The following MEGF11 variants were observed in gnomAD, a reference collection of about 807,000 sequenced individuals.
MEGF11 encodes the protein multiple EGF like domains 11, also known as multiple epidermal growth factor-like domains protein 11.
In MEGF11, 126 loss-of-function variants were observed where a neutral mutation model predicts 146.6. The observed-to-expected ratio is 0.86, with a 90% confidence interval of 0.74 to 1.00. MEGF11 has a LOEUF of 1.00. Among genes scored for constraint, MEGF11 ranks in the 50% least tolerant of loss-of-function variants. The pLI is 0.00. For missense variants in MEGF11, 1,509 were observed against 1,521.2 expected (o/e 0.99, Z 0.13); for synonymous variants, 532 against 583.4 (o/e 0.91, Z 1.27).
At chr15:65,968,835 G>T in intron 8 of MEGF11, among the ~76,000 whole-genome samples, 1 of 152,150 alleles carries the variant, frequency 6.6e-6, no homozygotes, top group South Asian at 2.1e-4. Context: ...TGTTTAATTT[G>T]CACTGGTTTC....
Position 66,132,665 on chromosome 15 carries a change from C to T in MEGF11, c.-8-4254G>A, listed in dbSNP as rs192364624. 9.1e-4 allele frequency among the ~76,000 whole-genome samples: 138 copies of T among 152,190 alleles called. 1 individual carries two copies. Among genetic ancestry groups the T allele is most frequent in the Non-Finnish European group, 1.6e-3 (107 of 68,008 alleles). On this transcript the variant is annotated intron_variant, in intron 1 of 25. Transcript: ENST00000395614. ...AAGGGGGGCTGAGTGGGAAAGCTTG[C>T]CAGGATTGATTAGTAATGTCTGTCT...
intron 5 of MEGF11, among the ~76,000 whole-genome samples, chr15:66,005,315 C>G (rs1197494271): frequency 6.6e-6 from 1 of 152,174 alleles, no homozygotes; most frequent in Non-Finnish European, 1.5e-5. Flanking sequence ...TCACTGATAG[C>G]CTTTGTGACC....
rs560243283 is a variant in MEGF11 at position 65,898,717 on chromosome 15, G to A, written c.3262+11C>T. 5 of 1,612,844 alleles carry A rather than the reference G, an allele frequency of 3.1e-6. No individual in the cohort carries two copies. The African/African-American group carries it at 5.3e-5, about 17-fold the overall frequency. On this transcript the variant is annotated intron_variant, in intron 25 of 25. Transcript: ENST00000395614. ...CCTGATTTCACTAAGTTACTTATTT[G>A]AGACACCTACCAACTTCATATATAT...
chr15:66,134,201 A>G (rs955382992), intron 1 of MEGF11, among the ~76,000 whole-genome samples: 2 of 152,038 alleles, frequency 1.3e-5, no homozygotes, highest in Admixed American at 1.3e-4. Flanking sequence ...GAAACCGCCA[A>G]ACTAATAAAG....
chr15:66,075,814 C>A (rs989335484), intron 5 of MEGF11, among the ~76,000 whole-genome samples: 1 of 152,110 alleles, frequency 6.6e-6, no homozygotes. Context: ...ATGTTTAAGT[C>A]CAAATAGCTG....
intron 1 of MEGF11, among the ~76,000 whole-genome samples, chr15:66,227,169 A>C (rs7170773): frequency 0.27 from 40,980 of 151,898 alleles, 5,735 homozygotes; most frequent in Non-Finnish European, 0.32. Context: ...ATAGAAAATA[A>C]GCTGGGGTTC....
At chr15:66,247,913 G>A (rs191387630) in intron 1 of MEGF11, among the ~76,000 whole-genome samples, 152 of 150,924 alleles carry the variant, frequency 1.0e-3, no homozygotes, top group African/African-American at 3.5e-3. Context: ...GCGCGTGCCT[G>A]TAATCCAGCC....
At chr15:66,199,997 A>C (rs147503067) in intron 1 of MEGF11, among the ~76,000 whole-genome samples, 61 of 152,386 alleles carry the variant, frequency 4.0e-4, no homozygotes, top group Admixed American at 3.1e-3. Context: ...TAATAACATT[A>C]GGAAATTCTC....
At chr15:65,919,483 A>G (rs560129261) in intron 15 of MEGF11, among the ~76,000 whole-genome samples, 41 of 152,350 alleles carry the variant, frequency 2.7e-4, no homozygotes, top group African/African-American at 9.1e-4. Flanking sequence ...TAAGTGTGCA[A>G]TAGCCTTATG....
chr15:66,154,830 G>C (rs759220870), intron 1 of MEGF11, among the ~76,000 whole-genome samples: 16 of 152,182 alleles, frequency 1.1e-4, no homozygotes, highest in Admixed American at 2.0e-4. Flanking sequence ...GGGAAGGGAA[G>C]GGCCCAGGTG....
At position 65,916,238 on chromosome 15, in the gene MEGF11, C is replaced by T. The variant is rs144231820; in HGVS notation, c.2254G>A (p.Val752Ile). 3.3e-5 allele frequency: 52 copies of T among 1,561,052 alleles called. No individual in the cohort carries two copies. The highest frequency in any genetic ancestry group is 3.3e-4 in the Middle Eastern group (2 of 6,028). The change falls in exon 18 of 26, where the codon GTA becomes ATA. Residue 752 changes from valine (V) to isoleucine (I), a missense_variant. Transcript: ENST00000395614. ...AAFFGKDCGR[V>I]CQCQNGASCD... ...CTGGCGCCATTCTGACACTGGCATA[C>T]GCGCCCACAGTCCTTCCCAAAAAAT...
chr15:66,222,386 CA>C (rs1213383833), intron 1 of MEGF11, among the ~76,000 whole-genome samples: 1 of 152,166 alleles, frequency 6.6e-6, no homozygotes, highest in Non-Finnish European at 1.5e-5. Flanking sequence ...TACTCTCCCC[CA>C]ATCTTCCTTC....
chr15:65,922,849 C>T lies in MEGF11; in HGVS notation c.1796G>A (p.Gly599Asp), dbSNP rs757824382. 3 of 1,613,630 alleles carry T rather than the reference C, an allele frequency of 1.9e-6. No homozygotes were observed. Among genetic ancestry groups the T allele is most frequent in the African/African-American group, 2.7e-5 (2 of 74,910 alleles). ...TCTCTGGCATAAGGGTCCTCGGAAG[C>T]CAGGGGCACACTCGCAGCTCCCATC... ...PEDGSCECAP[G>D]FRGPLCQRIC... The change falls in exon 14 of 26, where the codon GGC becomes GAC. Residue 599 changes from glycine (G) to aspartate (D), a missense_variant. Physicochemically the swap from Gly to Asp is moderately conservative, Grantham distance 94 (BLOSUM62 -1). Coordinates refer to ENST00000395614, the MANE Select transcript of MEGF11 (RefSeq NM_001385028.1).
chr15:65,975,723 C>T (rs2081423106), intron 7 of MEGF11, among the ~76,000 whole-genome samples: 1 of 152,144 alleles, frequency 6.6e-6, no homozygotes, highest in Admixed American at 6.5e-5. Context: ...CCTAGTCTTC[C>T]AGGTGGTTAT....
In MEGF11 at chr15:65,983,209, G is replaced by A. The variant is rs74375698; in HGVS notation, c.395-721C>T. On this transcript the variant is annotated intron_variant, in intron 5 of 25. Coordinates refer to ENST00000395614, the MANE Select transcript of MEGF11 (RefSeq NM_001385028.1). ...CTTTCCAAGCAGCCAGCTTCAGAAG[G>A]AGCAGGAAAAAGAAAGGCTTCCCTG... Among the ~76,000 whole-genome samples the A allele has an allele frequency of 8.2e-3, 1,245 of 152,238 alleles. 24 individuals are homozygous for A. The highest frequency in any genetic ancestry group is 0.029 in the African/African-American group (1,188 of 41,546).
At chr15:65,923,600 T>G (rs964985156) in intron 13 of MEGF11, among the ~76,000 whole-genome samples, 1 of 152,218 alleles carries the variant, frequency 6.6e-6, no homozygotes, top group South Asian at 2.1e-4. Context: ...AAAATTACAT[T>G]TACTGTCACT....
chr15:65,988,740 G>A (rs907201072), intron 5 of MEGF11, among the ~76,000 whole-genome samples: 5 of 152,242 alleles, frequency 3.3e-5, no homozygotes, highest in Admixed American at 1.3e-4. Context: ...CCTGTGCCCA[G>A]TCTGCTGCAT....
chr15:65,919,754 C>T (rs1204298910), intron 15 of MEGF11, among the ~76,000 whole-genome samples: 1 of 152,146 alleles, frequency 6.6e-6, no homozygotes, highest in Non-Finnish European at 1.5e-5. Context: ...CCTTAGCCTC[C>T]CCAGATAGGC....
At chr15:65,965,330 G>A (rs1186063742) in intron 8 of MEGF11, 1 of 487,526 alleles carries the variant, frequency 2.1e-6, no homozygotes, top group Non-Finnish European at 3.6e-6. Flanking sequence ...ATGCCAGGTC[G>A]GCTCAGTCCC....
Sources: gnomAD v4.1 joint callset for allele counts (sites outside exome capture counted in the v4.1 genomes callset) on GRCh38, gnomAD v4.1.1 for gene constraint, MANE v1.5 for transcripts, NCBI Gene and HGNC (gene_info 2026-07-23, HGNC 2026-07-21) for gene names.